Variants in PRKN observed in about 807,000 individuals in gnomAD.
PRKN encodes parkin RBR E3 ubiquitin protein ligase.
PRKN carries 56 observed loss-of-function variants against 59.5 expected under a neutral mutation model. The observed-to-expected ratio is 0.94, with a 90% CI of 0.76 to 1.18. The LOEUF (loss-of-function observed/expected upper bound fraction) is 1.18, where lower values mean the gene tolerates loss of function less well. PRKN is among the 50% of genes most tolerant of loss of function. The probability of loss-of-function intolerance (pLI) is 0.00; values close to 1 mark genes in which losing one functional copy is unlikely to be tolerated. For synonymous variants in PRKN, 250 were observed against 222.1 expected (o/e 1.13, Z -1.12); for missense variants, 657 against 596.4 (o/e 1.10, Z -1.06).
chr6:162,425,246 C>T (rs1416313606), intron 2 of PRKN, among the ~76,000 whole-genome samples: 1 of 152,142 alleles, frequency 6.6e-6, no homozygotes, highest in East Asian at 1.9e-4. Flanking sequence ...AGTAGTTACA[C>T]ACTGCATGCC....
intron 6 of PRKN, among the ~76,000 whole-genome samples, chr6:161,845,905 T>C (rs1793179102): frequency 6.6e-6 from 1 of 152,072 alleles, no homozygotes; most frequent in Non-Finnish European, 1.5e-5. Context: ...CACGAAGAGG[T>C]GTTCCATGAG....
intron 5 of PRKN, among the ~76,000 whole-genome samples, chr6:161,995,793 A>G (rs1412911926): frequency 6.6e-6 from 1 of 152,178 alleles, no homozygotes; most frequent in Non-Finnish European, 1.5e-5. Context: ...CAACTCTTAT[A>G]CACTGTTGTA....
chr6:162,208,736 T>C (rs1785065185), intron 3 of PRKN, among the ~76,000 whole-genome samples: 1 of 152,106 alleles, frequency 6.6e-6, no homozygotes, highest in Admixed American at 6.6e-5. Context: ...GTCACAGCTT[T>C]CCAAAAGTTG....
At chr6:161,982,165 G>C (rs138402428) in intron 5 of PRKN, among the ~76,000 whole-genome samples, 1 of 152,238 alleles carries the variant, frequency 6.6e-6, no homozygotes, top group East Asian at 1.9e-4. Flanking sequence ...ATAACTTTAA[G>C]AGCAAAAGGG....
intron 2 of PRKN, among the ~76,000 whole-genome samples, chr6:162,360,384 T>C (rs1423537493): frequency 6.6e-6 from 1 of 152,186 alleles, no homozygotes; most frequent in Admixed American, 6.6e-5. Context: ...CATTTGCATT[T>C]ATTCAGTTTC....
chr6:162,105,046 T>C (rs1164748007), intron 4 of PRKN, among the ~76,000 whole-genome samples: 1 of 152,166 alleles, frequency 6.6e-6, no homozygotes, highest in African/African-American at 2.4e-5. Context: ...CTGTGGTTTT[T>C]AAAATCATAG....
intron 7 of PRKN, among the ~76,000 whole-genome samples, chr6:161,724,147 G>T (rs1182352474): frequency 1.3e-5 from 2 of 152,212 alleles, no homozygotes; most frequent in African/African-American, 2.4e-5. Context: ...TCCCTGAAAG[G>T]ACGGGCACAT....
chr6:161,461,446 G>C lies in PRKN; in HGVS notation c.1084-74569C>G, dbSNP rs1790219976. Among the ~76,000 whole-genome samples the C allele has an allele frequency of 6.6e-6, 1 of 152,084 alleles. No individual in the cohort carries two copies. The highest frequency in any genetic ancestry group is 2.4e-5 in the African/African-American group (1 of 41,392). On this transcript the variant is annotated intron_variant, in intron 9 of 11. Coordinates refer to ENST00000366898, the MANE Select transcript of PRKN (RefSeq NM_004562.3). The surrounding 1 kb of genome is among the most constrained non-coding windows in gnomAD (Gnocchi z 5.1). ...TGTTATGAGCATATTTTATGGTATG[G>C]GGATAAAGGATGGATTACTAGGGGG...
chr6:162,686,646 T>TCGTG (rs1777567484), intron 1 of PRKN, among the ~76,000 whole-genome samples: 1 of 152,202 alleles, frequency 6.6e-6, no homozygotes, highest in South Asian at 2.1e-4. Context: ...GCATGATGGC[T>TCGTG]CGTGCCTGTA....
intron 2 of PRKN, among the ~76,000 whole-genome samples, chr6:162,362,250 A>C (rs1785179296): frequency 6.6e-6 from 1 of 152,176 alleles, no homozygotes; most frequent in Non-Finnish European, 1.5e-5. Flanking sequence ...AAATCATCTC[A>C]AGAATGTTTT....
At chr6:162,338,809 G>A (rs1432793584) in intron 2 of PRKN, among the ~76,000 whole-genome samples, 1 of 151,394 alleles carries the variant, frequency 6.6e-6, no homozygotes, top group Non-Finnish European at 1.5e-5. Context: ...GAAGTGAGGA[G>A]CGCCTCTTCC....
At chr6:161,833,205 T>A (rs1792583791) in intron 6 of PRKN, among the ~76,000 whole-genome samples, 1 of 151,994 alleles carries the variant, frequency 6.6e-6, no homozygotes. Flanking sequence ...AAATGTCTTA[T>A]AAAGCCAGGG....
rs533395550 is a variant in PRKN at position 162,495,604 on chromosome 6, T to C, written c.8-52131A>G. On this transcript the variant is annotated intron_variant, in intron 1 of 11. Transcript: ENST00000366898. ...CACACTTCAAAGCCAGATCTCAGTG[T>C]GATACCTAAAGAGCAAACGTCATCT... 7.8e-4 allele frequency among the ~76,000 whole-genome samples: 119 copies of C among 152,320 alleles called. 11 individuals carry two copies. Among genetic ancestry groups the C allele is most frequent in the Non-Finnish European group, 1.8e-4 (12 of 68,018 alleles).
chr6:162,514,268 T>C (rs994101691), intron 1 of PRKN, among the ~76,000 whole-genome samples: 5 of 139,558 alleles, frequency 3.6e-5, no homozygotes, highest in African/African-American at 1.0e-4. Flanking sequence ...CTTGTTGAAA[T>C]TGACTTTTTT....
chr6:161,834,750 C>A (rs1792670226), intron 6 of PRKN, among the ~76,000 whole-genome samples: 1 of 152,230 alleles, frequency 6.6e-6, no homozygotes, highest in Non-Finnish European at 1.5e-5. Context: ...GCAAGAAAAG[C>A]TGATGCTACA....
chr6:161,594,017 G>A (rs1781822890), intron 7 of PRKN, among the ~76,000 whole-genome samples: 6 of 151,668 alleles, frequency 4.0e-5, no homozygotes, highest in Admixed American at 2.6e-4. Flanking sequence ...CAAAAACCCA[G>A]CAGGGTATGG....
At chr6:161,443,542 AT>A (rs1789346099) in intron 9 of PRKN, among the ~76,000 whole-genome samples, 1 of 152,188 alleles carries the variant, frequency 6.6e-6, no homozygotes, top group Admixed American at 6.5e-5. Context: ...ACTTTGTAAC[AT>A]TGTAAGGAAA....
chr6:162,586,125 C>G (rs1173248721), intron 1 of PRKN, among the ~76,000 whole-genome samples: 4 of 152,090 alleles, frequency 2.6e-5, no homozygotes, highest in Non-Finnish European at 2.9e-5. Flanking sequence ...AATAGAGGAG[C>G]CAGGATTCAC....
At chr6:162,325,596 C>A (rs537618994) in intron 2 of PRKN, among the ~76,000 whole-genome samples, 2 of 152,286 alleles carry the variant, frequency 1.3e-5, no homozygotes, top group African/African-American at 4.8e-5. Flanking sequence ...GACCTACAAA[C>A]TAAGTCTGCA....
Sources: gnomAD v4.1 joint callset for allele counts (sites outside exome capture counted in the v4.1 genomes callset) on GRCh38, gnomAD v4.1.1 for gene constraint, Gnocchi (gnomAD v3.1) non-coding constraint, MANE v1.5 for transcripts, NCBI Gene and HGNC (gene_info 2026-07-23, HGNC 2026-07-21) for gene names.